RTF2: variants seen among roughly 807,000 people sequenced by gnomAD.
RTF2 encodes the protein replication termination factor 2.
In RTF2, 18 loss-of-function variants were observed where a neutral mutation model predicts 38.0. That is an observed-to-expected ratio of 0.47 (90% CI 0.33 to 0.70). RTF2 has a LOEUF of 0.70. RTF2 is among the 30% of genes least tolerant of loss of function. The pLI, the probability that RTF2 is intolerant of heterozygous loss-of-function variation, is 0.02. For missense variants in RTF2, 311 were observed against 379.6 expected, an observed-to-expected ratio of 0.82 and a Z score of 1.50; for synonymous variants, 126 against 137.1, an observed-to-expected ratio of 0.92 and a Z score of 0.57.
At chr20:56,512,356 A>C (rs924248221) in intron 5 of RTF2, among the ~76,000 whole-genome samples, 1 of 152,130 alleles carries the variant, frequency 6.6e-6, no homozygotes, top group African/African-American at 2.4e-5. Flanking sequence ...TGCTGGGGCC[A>C]CAGCAGGGAA....
intron 2 of RTF2, among the ~76,000 whole-genome samples, chr20:56,473,756 C>A (rs756143125): frequency 2.0e-5 from 3 of 152,138 alleles, no homozygotes; most frequent in Non-Finnish European, 4.4e-5. Flanking sequence ...TGGTGGCTGG[C>A]ATGATCCTGT....
At chr20:56,488,686 C>A (rs79042001) in intron 5 of RTF2, among the ~76,000 whole-genome samples, 340 of 152,324 alleles carry the variant, frequency 2.2e-3, no homozygotes, top group African/African-American at 7.7e-3. Context: ...TATTTAGCCT[C>A]AAGGAATCAG....
chr20:56,516,990 G>A lies in RTF2; in HGVS notation c.646+1G>A. On this transcript the variant is annotated splice_donor_variant, in intron 7 of 8. Transcript: ENST00000357348. LOFTEE classifies it high-confidence loss of function. ...GTTTCAAAACCAGATGTCAGTGAAGGTAAGATCCTTCAAGAGATCCTTATT... is the reference window on the plus strand; with the variant it reads ...GTTTCAAAACCAGATGTCAGTGAAGATAAGATCCTTCAAGAGATCCTTATT... The A allele has an allele frequency of 6.2e-7, 1 of 1,613,810 alleles. No homozygotes were observed. The highest frequency in any genetic ancestry group is 2.2e-5 in the East Asian group (1 of 44,886).
In RTF2 at chr20:56,513,205, A is replaced by G. The variant is rs143702047; in HGVS notation, c.478-110A>G. Reference sequence around the variant, plus strand: ...TTTGACCAGAAAGCCGGTAATAGGAATTTACTCGGAGCCTGGGGGCCACTG... The same window carrying G: ...TTTGACCAGAAAGCCGGTAATAGGAGTTTACTCGGAGCCTGGGGGCCACTG... On this transcript the variant is annotated intron_variant, in intron 5 of 8. Transcript: ENST00000357348. 2,031 of 1,417,834 alleles carry G rather than the reference A, an allele frequency of 1.4e-3. 1 individual carries two copies. Among genetic ancestry groups the G allele is most frequent in the Admixed American group, 2.4e-3 (105 of 44,154 alleles). 87.8% of individuals were successfully genotyped at this position (1,417,834 alleles called of 1,614,324 possible).
Position 56,482,480 on chromosome 20 carries a change from C to T in RTF2, c.399-1631C>T, listed in dbSNP as rs140342760. 1.6e-3 allele frequency among the ~76,000 whole-genome samples: 247 copies of T among 152,196 alleles called. 1 individual carries two copies. Among genetic ancestry groups the T allele is most frequent in the Admixed American group, 2.6e-3 (39 of 15,292 alleles). On this transcript the variant is annotated intron_variant, in intron 4 of 8. Coordinates refer to ENST00000357348, the MANE Select transcript of RTF2 (RefSeq NM_016407.5). ...TCCGGTTTGGTTGAATTGATAGATG[C>T]GGAACGCATGGATATAGAGGATATA...
intron 5 of RTF2, chr20:56,497,417 G>T (rs1158242774): frequency 1.9e-6 from 3 of 1,546,536 alleles, no homozygotes; most frequent in Non-Finnish European, 2.6e-6. Flanking sequence ...TTGCAATTTA[G>T]GGGGCCGCCC....
chr20:56,497,474 A>T, intron 5 of RTF2: 1 of 1,509,540 alleles, frequency 6.6e-7, no homozygotes, highest in Non-Finnish European at 8.9e-7. Context: ...GGTAAAAGCC[A>T]CATTCTACTA....
At chr20:56,504,765 C>T (rs1430113640) in intron 5 of RTF2, among the ~76,000 whole-genome samples, 2 of 152,162 alleles carry the variant, frequency 1.3e-5, no homozygotes, top group African/African-American at 2.4e-5. Context: ...TTAAGAATAT[C>T]GGCACCAAGA....
rs1013963428 is a variant in RTF2, at chr20:56,509,590, C to T, written c.478-3725C>T. On this transcript the variant is annotated intron_variant, in intron 5 of 8. Transcript: ENST00000357348. ...ATCATGCCACTGGACTGCAGCCTGGCGACAAAGCGAGATCCCATCTCAAAA... is the reference window on the plus strand; with the variant it reads ...ATCATGCCACTGGACTGCAGCCTGGTGACAAAGCGAGATCCCATCTCAAAA... Among the ~76,000 whole-genome samples, 12 of 140,704 alleles carry T rather than the reference C, an allele frequency of 8.5e-5. No individual in the cohort carries two copies. In the East Asian group the frequency reaches 1.8e-3, roughly 21 times the overall value. 92.3% of individuals were successfully genotyped at this position (140,704 alleles called of 152,430 possible).
intron 5 of RTF2, among the ~76,000 whole-genome samples, chr20:56,503,809 C>G (rs1474560831): frequency 1.3e-5 from 2 of 152,040 alleles, no homozygotes; most frequent in African/African-American, 4.8e-5. Context: ...TCTCTACCAA[C>G]AATAAAAAAT....
At chr20:56,473,230 T>G in intron 1 of RTF2, 71 bp from the exon 2 acceptor site, 2 of 1,117,576 alleles carry the variant, frequency 1.8e-6, no homozygotes, top group Middle Eastern at 2.5e-4. Flanking sequence ...TGAATATACT[T>G]TTATATGTAG....
At chr20:56,516,230 G>C (rs1292467433) in intron 6 of RTF2, 1 of 152,246 alleles carries the variant, frequency 6.6e-6, no homozygotes, top group African/African-American at 2.4e-5. Flanking sequence ...TGGATGCTTA[G>C]GAAATTGACA....
intron 6 of RTF2, chr20:56,515,617 C>G (rs1041575097): frequency 7.0e-6 from 1 of 143,350 alleles, no homozygotes; most frequent in Admixed American, 7.1e-5. Context: ...CACACACACA[C>G]ACACACACAC....
chr20:56,495,767 G>T (rs1029089015), intron 5 of RTF2, among the ~76,000 whole-genome samples: 17 of 152,288 alleles, frequency 1.1e-4, no homozygotes, highest in Non-Finnish European at 8.8e-5. Flanking sequence ...TGTCTAGGCT[G>T]ATTAGCTTAG....
At chr20:56,498,513 CT>C (rs1983708731) in intron 5 of RTF2, among the ~76,000 whole-genome samples, 1 of 151,458 alleles carries the variant, frequency 6.6e-6, no homozygotes, top group Non-Finnish European at 1.5e-5. Flanking sequence ...AAAAAAGTTT[CT>C]GAATTATTTT....
intron 3 of RTF2, among the ~76,000 whole-genome samples, chr20:56,475,306 A>T (rs1295910887): frequency 3.9e-5 from 6 of 152,232 alleles, no homozygotes; most frequent in African/African-American, 1.4e-4. Flanking sequence ...CCATCAGGCT[A>T]GTCAAACCCT....
intron 5 of RTF2, among the ~76,000 whole-genome samples, chr20:56,489,296 C>T (rs946919902): frequency 1.5e-4 from 22 of 151,132 alleles, no homozygotes; most frequent in Admixed American, 9.9e-4. Flanking sequence ...AAACTCCTGA[C>T]CTCGTGATCC....
chr20:56,508,082 C>G (rs1260110849), intron 5 of RTF2, among the ~76,000 whole-genome samples: 1 of 152,182 alleles, frequency 6.6e-6, no homozygotes, highest in East Asian at 1.9e-4. Flanking sequence ...TGGCACCACC[C>G]TCAGGGATTT....
intron 5 of RTF2, among the ~76,000 whole-genome samples, chr20:56,500,935 G>A (rs1884419): frequency 0.83 from 125,896 of 152,146 alleles, 52,294 homozygotes; most frequent in East Asian, 0.99. Flanking sequence ...GCATCTGGCT[G>A]ATTTTTTGTA....
Sources: allele counts gnomAD v4.1 joint callset (sites outside exome capture counted in the v4.1 genomes callset), GRCh38; gene constraint gnomAD v4.1.1; transcripts MANE v1.5; gene names NCBI Gene and HGNC (gene_info 2026-07-23, HGNC 2026-07-21).